The following GRIN3A variants were observed in gnomAD, a reference collection of about 807,000 sequenced individuals.
The protein encoded by GRIN3A is glutamate ionotropic receptor NMDA type subunit 3A.
A neutral mutation model predicts 92.4 loss-of-function variants in GRIN3A; 47 were observed. That is an observed-to-expected ratio of 0.51 (90% CI 0.40 to 0.65). GRIN3A has a LOEUF of 0.65. Ranked by LOEUF, GRIN3A falls within the 30% of genes least tolerant of loss-of-function variation. The pLI, the probability that GRIN3A is intolerant of heterozygous loss-of-function variation, is 0.00. For missense variants in GRIN3A, 1,324 were observed against 1,393.1 expected (o/e 0.95, Z 0.79); for synonymous variants, 527 against 540.6 (o/e 0.97, Z 0.35).
At chr9:101,627,596 G>C (rs1446098795) in intron 4 of GRIN3A, among the ~76,000 whole-genome samples, 1 of 152,080 alleles carries the variant, frequency 6.6e-6, no homozygotes, top group Non-Finnish European at 1.5e-5. Context: ...TGTTTTTCAG[G>C]AACCATTCTT....
At chr9:101,673,088 G>C (rs2037248515) in intron 2 of GRIN3A, among the ~76,000 whole-genome samples, 1 of 152,130 alleles carries the variant, frequency 6.6e-6, no homozygotes, top group Non-Finnish European at 1.5e-5. Flanking sequence ...GATCAGGAAA[G>C]TAAAGAGGAA....
At chr9:101,703,058 GC>G (rs1829774398) in intron 1 of GRIN3A, among the ~76,000 whole-genome samples, 1 of 152,074 alleles carries the variant, frequency 6.6e-6, no homozygotes, top group African/African-American at 2.4e-5. Context: ...TGGTATCCCT[GC>G]CTCCACCACT....
At chr9:101,603,672 C>T (rs2118831106) in intron 6 of GRIN3A, among the ~76,000 whole-genome samples, 2 of 152,284 alleles carry the variant, frequency 1.3e-5, no homozygotes, top group Admixed American at 1.3e-4. Context: ...TGTGGGTTTA[C>T]CTGTGACTGG....
At chr9:101,687,405 G>T (rs1052752309) in intron 1 of GRIN3A, among the ~76,000 whole-genome samples, 1 of 152,048 alleles carries the variant, frequency 6.6e-6, no homozygotes, top group Non-Finnish European at 1.5e-5. Flanking sequence ...AATAATTTTT[G>T]CTAAGAGTAC....
At chr9:101,585,955 T>C (rs1017092402) in intron 6 of GRIN3A, among the ~76,000 whole-genome samples, 1 of 152,222 alleles carries the variant, frequency 6.6e-6, no homozygotes, top group African/African-American at 2.4e-5. Flanking sequence ...TGGTTGACTT[T>C]GCTCAGCCAT....
rs145593614 is a variant in GRIN3A, at chr9:101,610,574, CATCTATCTATCT to C, written c.2766+2790_2766+2801del. 1.7e-3 allele frequency among the ~76,000 whole-genome samples: 235 copies of C among 139,458 alleles called. 1 individual carries two copies. The highest frequency in any genetic ancestry group is 4.3e-3 in the African/African-American group (163 of 38,230). 91.5% of individuals were successfully genotyped at this position (139,458 alleles called of 152,430 possible). A position where few individuals can be genotyped will look rare whatever the true frequency, so the allele number is the denominator to read the frequency against. On this transcript the variant is annotated intron_variant, in intron 6 of 8. Coordinates refer to ENST00000361820, the MANE Select transcript of GRIN3A (RefSeq NM_133445.3). ...CCAAGGGCATTGACCAGCTTGCATC[CATCTATCTATCT>C]ATCTATCTATCTATCTATCTATCTA... is the stretch of plus-strand genomic sequence containing the variant.
chr9:101,649,522 C>G (rs1284176366), intron 3 of GRIN3A, among the ~76,000 whole-genome samples: 3 of 152,004 alleles, frequency 2.0e-5, no homozygotes, highest in Non-Finnish European at 1.5e-5. Context: ...CTCCAATTCT[C>G]TCCTCTCACA....
intron 6 of GRIN3A, among the ~76,000 whole-genome samples, chr9:101,609,075 C>G (rs1477017599): frequency 3.3e-5 from 5 of 152,176 alleles, no homozygotes; most frequent in Admixed American, 1.3e-4. Context: ...TTTGTTTAGG[C>G]CTTCACGCTT....
chr9:101,649,880 C>A (rs963068228), intron 3 of GRIN3A, among the ~76,000 whole-genome samples: 7 of 152,002 alleles, frequency 4.6e-5, no homozygotes, highest in African/African-American at 1.7e-4. Flanking sequence ...AACATAGTCT[C>A]AAACAAGTGT....
At chr9:101,678,550 CAT>C (rs1829428056) in intron 2 of GRIN3A, among the ~76,000 whole-genome samples, 1 of 152,088 alleles carries the variant, frequency 6.6e-6, no homozygotes, top group Non-Finnish European at 1.5e-5. Context: ...ATATATTAAA[CAT>C]ATATGTACAC....
chr9:101,644,472 A>AAAAAAC lies in GRIN3A; in HGVS notation c.2353-16072_2353-16071insGTTTTT, dbSNP rs1554719596. On this transcript the variant is annotated intron_variant, in intron 3 of 8. Coordinates refer to ENST00000361820, the MANE Select transcript of GRIN3A (RefSeq NM_133445.3). ...TACATTAGTCACTCAAAAAAAAAAA[A>AAAAAAC]AAAAAACACAGTGTGAATACATAGA... 7.2e-4 allele frequency among the ~76,000 whole-genome samples: 109 copies of AAAAAAC among 151,716 alleles called. 1 individual carries two copies. The highest frequency in any genetic ancestry group is 2.4e-3 in the African/African-American group (100 of 41,418).
intron 2 of GRIN3A, among the ~76,000 whole-genome samples, chr9:101,675,482 T>G (rs1829383225): frequency 6.6e-6 from 1 of 151,946 alleles, no homozygotes; most frequent in Non-Finnish European, 1.5e-5. Flanking sequence ...ACATCACACA[T>G]TCAATCATCT....
chr9:101,685,208 G>A (rs539765378), intron 2 of GRIN3A, among the ~76,000 whole-genome samples: 45 of 151,696 alleles, frequency 3.0e-4, no homozygotes, highest in African/African-American at 9.9e-4. Flanking sequence ...ATGGCATTTG[G>A]CATATTGCCT....
At chr9:101,588,149 A>G (rs908146916) in intron 6 of GRIN3A, among the ~76,000 whole-genome samples, 4 of 152,198 alleles carry the variant, frequency 2.6e-5, no homozygotes, top group Non-Finnish European at 5.9e-5. Flanking sequence ...GTGCGGTGCA[A>G]TCATTTGGAA....
chr9:101,634,848 TG>T (rs1828763962), intron 3 of GRIN3A, among the ~76,000 whole-genome samples: 1 of 152,230 alleles, frequency 6.6e-6, no homozygotes, highest in Non-Finnish European at 1.5e-5. Flanking sequence ...ACACTATTGA[TG>T]ATCACACAAG....
intron 6 of GRIN3A, among the ~76,000 whole-genome samples, chr9:101,581,238 GGTTGGGTGGGGAAA>G (rs1243316709): frequency 6.6e-5 from 10 of 152,168 alleles, no homozygotes; most frequent in Non-Finnish European, 1.5e-4. Flanking sequence ...AGGATGGGGA[GGTTGGGTGGGGAAA>G]GTGAACATAC....
chr9:101,715,517 A>T lies in GRIN3A; in HGVS notation c.699+21764T>A, dbSNP rs143335192. On this transcript the variant is annotated intron_variant, in intron 1 of 8. Transcript: ENST00000361820. ...AATGCTAGGATAAAATATCTCAACA[A>T]ATTAAGAGTGATTGTCTCTGGATAG... 1.1e-3 allele frequency among the ~76,000 whole-genome samples: 160 copies of T among 152,266 alleles called. 2 individuals carry two copies. The East Asian group carries it at 0.029, about 28-fold the overall frequency.
intron 3 of GRIN3A, among the ~76,000 whole-genome samples, chr9:101,643,312 C>G (rs946807939): frequency 7.9e-5 from 12 of 152,110 alleles, no homozygotes; most frequent in African/African-American, 2.9e-4. Flanking sequence ...CTCAAGATCA[C>G]TAATCATCAG....
intron 1 of GRIN3A, among the ~76,000 whole-genome samples, chr9:101,700,540 G>A (rs1280040298): frequency 2.0e-5 from 3 of 152,138 alleles, no homozygotes; most frequent in African/African-American, 7.2e-5. Flanking sequence ...AACTCAATGT[G>A]TGTCCTTCAT....
Sources: allele counts gnomAD v4.1 joint callset (sites outside exome capture counted in the v4.1 genomes callset), GRCh38; gene constraint gnomAD v4.1.1; transcripts MANE v1.5; gene names NCBI Gene and HGNC (gene_info 2026-07-23, HGNC 2026-07-21).